The following SOX13 variants were observed in gnomAD, a reference collection of about 807,000 sequenced individuals.
SOX13 encodes the protein SRY-box transcription factor 13.
A neutral mutation model predicts 71.8 loss-of-function variants in SOX13; 28 were observed. The ratio of observed to expected loss-of-function variants is 0.39; its 90% CI spans 0.29 to 0.53. The LOEUF (loss-of-function observed/expected upper bound fraction) is 0.53, where lower values mean the gene tolerates loss of function less well. Among genes scored for constraint, SOX13 ranks in the 20% least tolerant of loss-of-function variants. The probability of loss-of-function intolerance (pLI) is 0.70; values close to 1 mark genes in which losing one functional copy is unlikely to be tolerated. For synonymous variants in SOX13, 309 were observed against 317.8 expected (o/e 0.97, Z 0.29); for missense variants, 627 against 810.3 (o/e 0.77, Z 2.75).
intron 1 of SOX13, among the ~76,000 whole-genome samples, chr1:204,085,096 G>A (rs1311863143): frequency 6.6e-6 from 1 of 152,198 alleles, no homozygotes; most frequent in East Asian, 1.9e-4. Context: ...TGGCCAGGGT[G>A]TGGCAACCCT....
chr1:204,114,384 G>C lies in SOX13; in HGVS notation c.283G>C (p.Ala95Pro), dbSNP rs1656646960. The change falls in exon 3 of 14, where the codon GCC (alanine) becomes CCC (proline). Residue 95 changes from alanine (A) to proline (P), a missense_variant. Physicochemically the swap from Ala to Pro is conservative, Grantham distance 27 (BLOSUM62 -1). This residue lies in a region of SOX13 where 447 missense variants were observed against 532.2 expected (regional missense o/e 0.84). Coordinates refer to ENST00000367204, the MANE Select transcript of SOX13 (RefSeq NM_005686.3). ...EPKRPGVSEA[A>P]SGSQEKLDFN... Reference sequence around the variant, plus strand: ...CAAGAGACCAGGAGTGTCGGAGGCTGCCTCTGGAAGCCAGGAGAAGCTGGA... The same window carrying C: ...CAAGAGACCAGGAGTGTCGGAGGCTCCCTCTGGAAGCCAGGAGAAGCTGGA... 6.2e-7 allele frequency: 1 copy of C among 1,612,486 alleles called. No individual in the cohort carries two copies. The highest frequency in any genetic ancestry group is 1.1e-5 in the South Asian group (1 of 90,694).
At chr1:204,104,709 G>A (rs1488038245) in intron 1 of SOX13, among the ~76,000 whole-genome samples, 1 of 152,250 alleles carries the variant, frequency 6.6e-6, no homozygotes, top group Non-Finnish European at 1.5e-5. Flanking sequence ...GTGCCCAGCG[G>A]GGAAGTGTAG....
At chr1:204,097,917 A>G (rs550439202) in intron 1 of SOX13, among the ~76,000 whole-genome samples, 18 of 151,844 alleles carry the variant, frequency 1.2e-4, no homozygotes, top group Admixed American at 9.8e-4. Flanking sequence ...CCCAGGCTGG[A>G]GTGCAGTGGT....
intron 1 of SOX13, among the ~76,000 whole-genome samples, chr1:204,093,343 A>G (rs116767373): frequency 2.5e-3 from 379 of 152,342 alleles, no homozygotes; most frequent in African/African-American, 8.2e-3. Context: ...TGTGAAATCT[A>G]TGGAATTTAC....
intron 1 of SOX13, among the ~76,000 whole-genome samples, chr1:204,089,258 C>A (rs1460342608): frequency 6.6e-6 from 1 of 152,034 alleles, no homozygotes; most frequent in Non-Finnish European, 1.5e-5. Flanking sequence ...GGTGTCTTGG[C>A]GTGCGCTAGA....
intron 1 of SOX13, among the ~76,000 whole-genome samples, chr1:204,095,290 A>G (rs1168077004): frequency 6.6e-6 from 1 of 152,144 alleles, no homozygotes; most frequent in Admixed American, 6.5e-5. Flanking sequence ...CTCTTTCTCT[A>G]TCCCCATCTT....
chr1:204,105,465 G>T (rs1156517991), intron 1 of SOX13, among the ~76,000 whole-genome samples: 1 of 148,574 alleles, frequency 6.7e-6, no homozygotes, highest in Non-Finnish European at 1.5e-5. Context: ...GAGTGCAGCA[G>T]TGCAATCTTG....
chr1:204,109,590 G>A (rs1381770081), intron 1 of SOX13, among the ~76,000 whole-genome samples: 1 of 152,044 alleles, frequency 6.6e-6, no homozygotes, highest in Non-Finnish European at 1.5e-5. Flanking sequence ...TACTTTATGA[G>A]GTTTGAATAA....
At chr1:204,116,804 G>C in intron 5 of SOX13, 125 bp downstream of exon 5, 1 of 1,498,406 alleles carries the variant, frequency 6.7e-7, no homozygotes, top group Non-Finnish European at 8.9e-7. Context: ...GCTGGGCAGG[G>C]TCTGTGGCCA....
rs1334838618 is a variant in SOX13, at chr1:204,113,118, A to G, written c.203A>G (p.Asn68Ser). ...SADPQAPAQGNFRGSWDCSSP... is the reference protein window; with the variant it reads ...SADPQAPAQGSFRGSWDCSSP... ...GACCCCCAAGCTCCAGCCCAGGGGAATTTCAGGGGCTCCTGGGTCAGTGTC... is the reference window on the plus strand; with the variant it reads ...GACCCCCAAGCTCCAGCCCAGGGGAGTTTCAGGGGCTCCTGGGTCAGTGTC... Residue 68 changes from asparagine (N) to serine (S), a missense_variant, in exon 2 of 14, where the codon AAT becomes AGT. Physicochemically the swap from Asn to Ser is conservative, Grantham distance 46. This residue lies in a region of SOX13 where 447 missense variants were observed against 532.2 expected (regional missense o/e 0.84). Coordinates refer to ENST00000367204, the MANE Select transcript of SOX13 (RefSeq NM_005686.3). 4 of 1,560,458 alleles carry G rather than the reference A, an allele frequency of 2.6e-6. No homozygotes were observed. Among genetic ancestry groups the G allele is most frequent in the Admixed American group, 1.9e-5 (1 of 52,046 alleles).
At position 204,122,908 on chromosome 1, in the gene SOX13, T is replaced by A; in HGVS notation, c.1079T>A (p.Leu360Gln). 1 of 1,587,680 alleles carries A rather than the reference T, an allele frequency of 6.3e-7. No homozygotes were observed. Among genetic ancestry groups the A allele is most frequent in the South Asian group, 1.1e-5 (1 of 87,052 alleles). Residue 360 changes from leucine (L) to glutamine (Q), a missense_variant, in exon 10 of 14, where the codon CTG (leucine) becomes CAG (glutamine). Physicochemically the swap from Leu to Gln is moderately radical, Grantham distance 113. Coordinates refer to ENST00000367204, the MANE Select transcript of SOX13 (RefSeq NM_005686.3). ...VTKAIQDARQ[L>Q]LHSHSGALDG... ...AAAGCCATCCAGGATGCTCGGCAGC[T>A]GCTGCACAGCCACAGTGGGGCCTTG...
chr1:204,088,088 C>T (rs1009687434), intron 1 of SOX13, among the ~76,000 whole-genome samples: 9 of 152,152 alleles, frequency 5.9e-5, no homozygotes, highest in Non-Finnish European at 1.3e-4. Context: ...TGGGAAGGGC[C>T]CATTGGGTCT....
chr1:204,091,155 T>C (rs1656135170), intron 1 of SOX13, among the ~76,000 whole-genome samples: 1 of 152,172 alleles, frequency 6.6e-6, no homozygotes, highest in Non-Finnish European at 1.5e-5. Flanking sequence ...GCCTTCCGTA[T>C]TGAACTGCCT....
chr1:204,088,155 G>C (rs2102228861), intron 1 of SOX13, among the ~76,000 whole-genome samples: 1 of 152,330 alleles, frequency 6.6e-6, no homozygotes, highest in South Asian at 2.1e-4. Flanking sequence ...TGTGCTTGTA[G>C]GGCCCTCATT....
At position 204,106,134 on chromosome 1, in the gene SOX13, G is replaced by A. The variant is rs377688660; in HGVS notation, c.-1-6781G>A. ...GGGAGACTTAAGGGAGGACTCCAACGGGGTCTTTAAATCCAAAAAGTATGG... is the reference window on the plus strand; with the variant it reads ...GGGAGACTTAAGGGAGGACTCCAACAGGGTCTTTAAATCCAAAAAGTATGG... On this transcript the variant is annotated intron_variant, in intron 1 of 13. Transcript: ENST00000367204. Among the ~76,000 whole-genome samples the A allele has an allele frequency of 4.8e-3, 737 of 152,306 alleles. 4 individuals carry two copies. Among genetic ancestry groups the A allele is most frequent in the African/African-American group, 0.016 (665 of 41,574 alleles).
chr1:204,109,840 A>AT (rs1234620770), intron 1 of SOX13, among the ~76,000 whole-genome samples: 3 of 150,340 alleles, frequency 2.0e-5, no homozygotes, highest in South Asian at 2.1e-4. Context: ...CATTATTATT[A>AT]TTTTTTTTTG....
In SOX13 at chr1:204,123,274, C is replaced by A; in HGVS notation, c.1231+66C>A. 1 of 1,284,846 alleles carries A rather than the reference C, an allele frequency of 7.8e-7. No individual in the cohort carries two copies. The highest frequency in any genetic ancestry group is 1.1e-6 in the Non-Finnish European group (1 of 881,832). 79.6% of individuals were successfully genotyped at this position (1,284,846 alleles called of 1,614,324 possible). ...ACTCTGTATTCCACCAGGGCCAGGG[C>A]TGTGTCTGCCTCTGATCTCTTCCCT... is the stretch of plus-strand genomic sequence containing the variant. On this transcript the variant is annotated intron_variant, in intron 11 of 13. Coordinates refer to ENST00000367204, the MANE Select transcript of SOX13 (RefSeq NM_005686.3). The surrounding 1 kb of genome is among the most constrained non-coding windows in gnomAD (Gnocchi z 5.0).
chr1:204,124,627 G>T lies in SOX13; in HGVS notation c.1376-14G>T. On this transcript the variant is annotated splice_polypyrimidine_tract_variant and intron_variant, in intron 12 of 13. Transcript: ENST00000367204. ...GCCCAGCACTGACTGCCTGCCCCTG[G>T]GGGGTTGGGTCAGGATCTCGCTGGA... 1 of 1,599,398 alleles carries T rather than the reference G, an allele frequency of 6.3e-7. No homozygotes were observed. Among genetic ancestry groups the T allele is most frequent in the Non-Finnish European group, 8.5e-7 (1 of 1,173,320 alleles).
At chr1:204,110,495 T>C (rs1656559082) in intron 1 of SOX13, among the ~76,000 whole-genome samples, 1 of 152,070 alleles carries the variant, frequency 6.6e-6, no homozygotes, top group Non-Finnish European at 1.5e-5. Flanking sequence ...ATAATGTTAA[T>C]CATATATAAA....
Sources: gnomAD v4.1 joint callset for allele counts (sites outside exome capture counted in the v4.1 genomes callset) on GRCh38, gnomAD v4.1.1 for gene constraint, gnomAD v4.1.1 regional missense constraint, Gnocchi (gnomAD v3.1) non-coding constraint, MANE v1.5 for transcripts, NCBI Gene and HGNC (gene_info 2026-07-23, HGNC 2026-07-21) for gene names.